Variants in SKAP1 observed in about 807,000 individuals in gnomAD.
The protein encoded by SKAP1 is src kinase-associated phosphoprotein 1.
Under a neutral mutation model 58.5 loss-of-function variants are expected in SKAP1, and 44 were observed. The observed-to-expected ratio is 0.75, with a 90% CI of 0.59 to 0.97. The LOEUF is 0.97. SKAP1 is among the 50% of genes least tolerant of loss of function. SKAP1 has a pLI of 0.00. For missense variants in SKAP1, 390 were observed against 435.2 expected, an observed-to-expected ratio of 0.90 and a Z score of 0.92; for synonymous variants, 127 against 149.7, an observed-to-expected ratio of 0.85 and a Z score of 1.11.
intron 4 of SKAP1, among the ~76,000 whole-genome samples, chr17:48,247,319 G>A (rs1185663758): frequency 6.6e-6 from 1 of 152,118 alleles, no homozygotes; most frequent in East Asian, 1.9e-4. Flanking sequence ...ACATGATAAC[G>A]AAGGCAAATA....
intron 4 of SKAP1, among the ~76,000 whole-genome samples, chr17:48,227,701 T>C (rs1444684563): frequency 6.6e-6 from 1 of 152,148 alleles, no homozygotes; most frequent in Non-Finnish European, 1.5e-5. Context: ...ATTTTTATTG[T>C]GGGGTCTGAA....
the SKAP1 span, among the ~76,000 whole-genome samples, chr17:48,436,193 T>TC: frequency 6.6e-6 from 1 of 152,138 alleles, no homozygotes; most frequent in Non-Finnish European, 1.5e-5. Context: ...TGCCTCAACT[T>TC]CTCTAGTAGC....
chr17:48,323,959 CTCA>C (rs1369487002), intron 4 of SKAP1, among the ~76,000 whole-genome samples: 1 of 152,106 alleles, frequency 6.6e-6, no homozygotes, highest in Non-Finnish European at 1.5e-5. Flanking sequence ...CTCACACATT[CTCA>C]TGTTATTGTG....
chr17:48,146,791 G>C (rs1412604259), intron 11 of SKAP1, among the ~76,000 whole-genome samples: 1 of 152,032 alleles, frequency 6.6e-6, no homozygotes, highest in Non-Finnish European at 1.5e-5. Context: ...ACCACGCCCA[G>C]CTAATTTTTG....
rs1279928908 is a variant in SKAP1 at position 48,344,577 on chromosome 17, A to C, written c.280+1328T>G. On this transcript the variant is annotated intron_variant, in intron 4 of 12. Transcript: ENST00000336915. The stretch of plus-strand genomic sequence containing the variant: ...ATAATCAAAAACAAATGAAAAGTTG[A>C]TTTCTTCCTGTTTTGCACTGTTAAT... Among the ~76,000 whole-genome samples the C allele has an allele frequency of 2.6e-5, 4 of 152,208 alleles. No homozygotes were observed. The East Asian group carries it at 7.7e-4, about 29-fold the overall frequency.
At chr17:48,143,412 A>G (rs534900117) in intron 11 of SKAP1, among the ~76,000 whole-genome samples, 3 of 151,660 alleles carry the variant, frequency 2.0e-5, no homozygotes, top group South Asian at 4.2e-4. Context: ...GAGTTTTGCA[A>G]TGTTGCCTAG....
At position 48,151,771 on chromosome 17, in the gene SKAP1, T is replaced by C. The variant is rs568283742; in HGVS notation, c.978+10698A>G. On this transcript the variant is annotated intron_variant, in intron 11 of 12. Transcript: ENST00000336915. ...AACTCTCCCCAAATACAGAATATTA[T>C]CAGGAACAGAGAAACTGCAGACTCT... is the stretch of plus-strand genomic sequence containing the variant. 2.0e-5 allele frequency among the ~76,000 whole-genome samples: 3 copies of C among 152,310 alleles called. No individual in the cohort carries two copies. The East Asian group carries it at 5.8e-4, about 29-fold the overall frequency.
intron 4 of SKAP1, among the ~76,000 whole-genome samples, chr17:48,225,239 C>T (rs1279291670): frequency 6.6e-6 from 1 of 152,038 alleles, no homozygotes; most frequent in Non-Finnish European, 1.5e-5. Context: ...CCCTGTATTC[C>T]CAGCTCTTGG....
At chr17:48,224,217 T>G (rs1877177160) in intron 4 of SKAP1, among the ~76,000 whole-genome samples, 1 of 152,176 alleles carries the variant, frequency 6.6e-6, no homozygotes, top group African/African-American at 2.4e-5. Context: ...GAGCTTTTGG[T>G]GGATATGTAG....
At chr17:48,149,031 G>A (rs1173844506) in intron 11 of SKAP1, among the ~76,000 whole-genome samples, 1 of 152,092 alleles carries the variant, frequency 6.6e-6, no homozygotes, top group Non-Finnish European at 1.5e-5. Flanking sequence ...GGTATGCTAG[G>A]GTGATGTGTT....
At chr17:48,242,171 G>A (rs1162585820) in intron 4 of SKAP1, among the ~76,000 whole-genome samples, 1 of 152,224 alleles carries the variant, frequency 6.6e-6, no homozygotes, top group African/African-American at 2.4e-5. Flanking sequence ...CCTGGCATCT[G>A]GCTTCCAGCA....
At chr17:48,354,104 T>C (rs1004733760) in intron 3 of SKAP1, among the ~76,000 whole-genome samples, 6 of 152,306 alleles carry the variant, frequency 3.9e-5, no homozygotes, top group Admixed American at 3.9e-4. Flanking sequence ...GGCCTAAACA[T>C]GTGAGCCAGC....
At chr17:48,397,675 A>T (rs2067438955) in intron 1 of SKAP1, among the ~76,000 whole-genome samples, 1 of 152,254 alleles carries the variant, frequency 6.6e-6, no homozygotes, top group Non-Finnish European at 1.5e-5. Context: ...GCAGGCATTC[A>T]AAGAAATATT....
chr17:48,199,013 A>G (rs1009525629), intron 4 of SKAP1, among the ~76,000 whole-genome samples: 8 of 152,210 alleles, frequency 5.3e-5, no homozygotes. Context: ...TCAGATCACG[A>G]TTATACATGC....
At chr17:48,204,980 TC>T (rs1472390494) in intron 4 of SKAP1, among the ~76,000 whole-genome samples, 3 of 55,586 alleles carry the variant, frequency 5.4e-5, no homozygotes, top group Non-Finnish European at 1.1e-4. Context: ...TTCTTTTCTT[TC>T]TTTCTTTCTT....
chr17:48,225,784 A>T (rs181041187), intron 4 of SKAP1, among the ~76,000 whole-genome samples: 2 of 152,250 alleles, frequency 1.3e-5, no homozygotes, highest in Admixed American at 6.5e-5. Flanking sequence ...AGGGTAGGAG[A>T]TGCATACATC....
intron 4 of SKAP1, among the ~76,000 whole-genome samples, chr17:48,240,672 A>G (rs545534569): frequency 1.3e-5 from 2 of 152,238 alleles, no homozygotes; most frequent in East Asian, 1.9e-4. Flanking sequence ...CCAGAAACCA[A>G]ATGGTTTATT....
chr17:48,290,045 T>C (rs996176130), intron 4 of SKAP1, among the ~76,000 whole-genome samples: 3 of 152,154 alleles, frequency 2.0e-5, no homozygotes, highest in African/African-American at 7.2e-5. Flanking sequence ...ATTTTATTAT[T>C]AAGGGACAGA....
At chr17:48,423,230 G>A (rs2067816996) in intron 1 of SKAP1, among the ~76,000 whole-genome samples, 1 of 152,142 alleles carries the variant, frequency 6.6e-6, no homozygotes, top group Admixed American at 6.5e-5. Flanking sequence ...CAGCTGAGAG[G>A]AGTGGATTAT....
Sources: allele counts gnomAD v4.1 joint callset (sites outside exome capture counted in the v4.1 genomes callset), GRCh38; gene constraint gnomAD v4.1.1; transcripts MANE v1.5; gene names NCBI Gene and HGNC (gene_info 2026-07-23, HGNC 2026-07-21).